The following MERTK variants were observed in gnomAD, a reference collection of about 807,000 sequenced individuals.
MERTK encodes tyrosine-protein kinase Mer.
A neutral mutation model predicts 99.3 loss-of-function variants in MERTK; 69 were observed. The ratio of observed to expected loss-of-function variants is 0.70; its 90% CI spans 0.57 to 0.85. MERTK has a LOEUF of 0.85. MERTK is among the 40% of genes least tolerant of loss of function. The pLI is 0.00. For missense variants in MERTK, 1,125 were observed against 1,249.4 expected (o/e 0.90, Z 1.50); for synonymous variants, 426 against 467.6 (o/e 0.91, Z 1.15).
chr2:111,900,325 A>T (rs1684019523), intron 1 of MERTK, among the ~76,000 whole-genome samples: 1 of 152,236 alleles, frequency 6.6e-6, no homozygotes, highest in Admixed American at 6.5e-5. Context: ...AACAAACTTT[A>T]AGAGCCAGGC....
chr2:111,939,362 C>T (rs528208282), intron 2 of MERTK, among the ~76,000 whole-genome samples: 23 of 152,196 alleles, frequency 1.5e-4, no homozygotes, highest in African/African-American at 5.5e-4. Context: ...GCAGAGTCCT[C>T]ATGACCCAAT....
chr2:112,019,149 A>G (rs3811638), intron 15 of MERTK, among the ~76,000 whole-genome samples: 83,224 of 151,958 alleles, frequency 0.55, 23,510 homozygotes, highest in Middle Eastern at 0.69. Flanking sequence ...CATACCTTCT[A>G]AAAAGAAACA....
intron 4 of MERTK, among the ~76,000 whole-genome samples, chr2:111,949,138 T>G (rs1317989637): frequency 2.0e-5 from 3 of 152,088 alleles, no homozygotes; most frequent in Admixed American, 2.0e-4. Context: ...AGGCCATCCC[T>G]GATCACTCTT....
At chr2:111,962,384 G>A (rs1685267225) in intron 4 of MERTK, among the ~76,000 whole-genome samples, 1 of 152,130 alleles carries the variant, frequency 6.6e-6, no homozygotes, top group Non-Finnish European at 1.5e-5. Flanking sequence ...GCAGGTGCCT[G>A]TAATCCCAAC....
intron 4 of MERTK, among the ~76,000 whole-genome samples, chr2:111,962,951 T>C (rs1380963508): frequency 6.6e-6 from 1 of 152,032 alleles, no homozygotes; most frequent in Non-Finnish European, 1.5e-5. Context: ...AGAAATAAGG[T>C]GGCCCAGGGG....
chr2:111,943,475 G>C (rs1475649805), intron 2 of MERTK, among the ~76,000 whole-genome samples: 1 of 152,008 alleles, frequency 6.6e-6, no homozygotes, highest in Non-Finnish European at 1.5e-5. Context: ...GGAGTTCAAG[G>C]CTGCAGTGAG....
At chr2:111,941,081 G>T (rs1684858345) in intron 2 of MERTK, 2 of 425,908 alleles carry the variant, frequency 4.7e-6, no homozygotes, top group African/African-American at 4.1e-5. Context: ...TTTTACTTTG[G>T]CAAGGAGCTT....
chr2:111,992,245 C>T (rs1300799792), intron 8 of MERTK, among the ~76,000 whole-genome samples: 1 of 151,868 alleles, frequency 6.6e-6, no homozygotes, highest in Non-Finnish European at 1.5e-5. Context: ...CCTTTTTTGT[C>T]CAATCACAGT....
chr2:112,018,293 A>C (rs560144217), intron 15 of MERTK, among the ~76,000 whole-genome samples: 1 of 152,326 alleles, frequency 6.6e-6, no homozygotes, highest in African/African-American at 2.4e-5. Context: ...GCACAAATGA[A>C]TAGTACCTGA....
chr2:112,019,399 C>T lies in MERTK; in HGVS notation c.2080-14C>T, dbSNP rs1677286464. On this transcript the variant is annotated splice_polypyrimidine_tract_variant and intron_variant, in intron 15 of 18. Coordinates refer to ENST00000295408, the MANE Select transcript of MERTK (RefSeq NM_006343.3). ...TAAAAGATAGTCTTTCTTCTTGTTT[C>T]CTCTATCATCTAGCATATTCCTCTG... 6.3e-7 allele frequency: 1 copy of T among 1,582,534 alleles called. No individual in the cohort carries two copies. Among genetic ancestry groups the T allele is most frequent in the African/African-American group, 1.3e-5 (1 of 74,184 alleles).
At chr2:112,024,024 G>T (rs138612853) in intron 18 of MERTK, among the ~76,000 whole-genome samples, 3 of 152,156 alleles carry the variant, frequency 2.0e-5, no homozygotes, top group South Asian at 2.1e-4. Context: ...GCTTCGTCCC[G>T]TTGGTAGTGG....
chr2:112,022,118 G>A, intron 17 of MERTK, 140 bp from the exon 18 acceptor site: 6 of 1,153,208 alleles, frequency 5.2e-6, no homozygotes, highest in Non-Finnish European at 7.7e-6. Flanking sequence ...GCCGCGTTGG[G>A]AGAGCAGTGC....
intron 8 of MERTK, among the ~76,000 whole-genome samples, chr2:111,983,859 G>A (rs575194362): frequency 1.8e-4 from 28 of 152,228 alleles, no homozygotes; most frequent in Non-Finnish European, 2.2e-4. Context: ...ACTCAGCAAG[G>A]ATGAACAAAG....
chr2:111,925,758 A>T (rs900757147), intron 1 of MERTK, among the ~76,000 whole-genome samples: 1 of 152,116 alleles, frequency 6.6e-6, no homozygotes, highest in Admixed American at 6.6e-5. Context: ...ACTGAAGATT[A>T]TACCCCAAAT....
intron 1 of MERTK, among the ~76,000 whole-genome samples, chr2:111,909,510 A>G (rs551102474): frequency 1.3e-3 from 194 of 152,282 alleles, no homozygotes; most frequent in African/African-American, 4.5e-3. Context: ...ATTTAGCGGG[A>G]GACAAGATAA....
At chr2:111,921,927 C>T (rs1017634382) in intron 1 of MERTK, among the ~76,000 whole-genome samples, 1 of 152,196 alleles carries the variant, frequency 6.6e-6, no homozygotes, top group Non-Finnish European at 1.5e-5. Context: ...TCAGCTGATG[C>T]TTCTGCCCAT....
intron 9 of MERTK, 191 bp from the exon 10 acceptor site, chr2:111,997,132 G>C: frequency 1.3e-6 from 1 of 765,870 alleles, no homozygotes. Flanking sequence ...AGTAAATCAA[G>C]CTAGTTTCCC....
chr2:111,909,802 T>C (rs1276169976), intron 1 of MERTK, among the ~76,000 whole-genome samples: 1 of 152,134 alleles, frequency 6.6e-6, no homozygotes. Flanking sequence ...CATCTCATTA[T>C]TGGGCATGAG....
chr2:111,941,461 T>A lies in MERTK; in HGVS notation c.483-3499T>A, dbSNP rs186592662. On this transcript the variant is annotated intron_variant, in intron 2 of 18. Coordinates refer to ENST00000295408, the MANE Select transcript of MERTK (RefSeq NM_006343.3). Reference sequence around the variant, plus strand: ...TCAGTGCTGGGGCACTTTCTTGAACTTCCCCCCTTCCGCATCCACTCTCCG... The same window carrying A: ...TCAGTGCTGGGGCACTTTCTTGAACATCCCCCCTTCCGCATCCACTCTCCG... Among the ~76,000 whole-genome samples, 22 of 152,304 alleles carry A rather than the reference T, an allele frequency of 1.4e-4. No individual in the cohort carries two copies. The East Asian group carries it at 3.3e-3, about 23-fold the overall frequency.
Sources: allele counts gnomAD v4.1 joint callset (sites outside exome capture counted in the v4.1 genomes callset), GRCh38; gene constraint gnomAD v4.1.1; transcripts MANE v1.5; gene names NCBI Gene and HGNC (gene_info 2026-07-23, HGNC 2026-07-21).